SOX6: variants seen among roughly 807,000 people sequenced by gnomAD.
The protein encoded by SOX6 is transcription factor SOX-6.
In SOX6, 11 loss-of-function variants were observed where a neutral mutation model predicts 97.8. The ratio of observed to expected loss-of-function variants is 0.11; its 90% CI spans 0.07 to 0.19. The LOEUF is 0.19. Ranked by LOEUF, SOX6 falls within the 10% of genes least tolerant of loss-of-function variation. The pLI is 1.00. For synonymous variants in SOX6, 360 were observed against 371.4 expected (o/e 0.97, Z 0.35); for missense variants, 810 against 1,039.5 (o/e 0.78, Z 3.04).
At chr11:15,998,915 G>A (rs1040916250) in intron 13 of SOX6, among the ~76,000 whole-genome samples, 5 of 151,982 alleles carry the variant, frequency 3.3e-5, no homozygotes, top group African/African-American at 9.7e-5. Flanking sequence ...CAAGAAAAAT[G>A]TTAAACTGAA....
chr11:16,303,097 ATATG>A (rs1437843696), intron 3 of SOX6, among the ~76,000 whole-genome samples: 1 of 152,244 alleles, frequency 6.6e-6, no homozygotes, highest in African/African-American at 2.4e-5. Context: ...ATTAATAAGC[ATATG>A]TATGTGTGTA....
At chr11:16,179,153 A>G (rs1331871358) in intron 6 of SOX6, among the ~76,000 whole-genome samples, 2 of 151,948 alleles carry the variant, frequency 1.3e-5, no homozygotes, top group East Asian at 3.9e-4. Context: ...GTAGTTAATC[A>G]TATTGAAGGA....
chr11:16,032,505 G>A (rs1855405006), intron 12 of SOX6, among the ~76,000 whole-genome samples: 1 of 152,120 alleles, frequency 6.6e-6, no homozygotes, highest in Non-Finnish European at 1.5e-5. Context: ...AAGAGTGGGA[G>A]CAACTTATTA....
chr11:16,558,356 A>G (rs1847772013), intron 4 of SOX6, among the ~76,000 whole-genome samples: 1 of 152,026 alleles, frequency 6.6e-6, no homozygotes, highest in African/African-American at 2.4e-5. Flanking sequence ...TATTCTCCAG[A>G]AAGACATTCT....
intron 6 of SOX6, among the ~76,000 whole-genome samples, chr11:16,114,989 A>G (rs2133998908): frequency 6.6e-6 from 1 of 152,320 alleles, no homozygotes; most frequent in South Asian, 2.1e-4. Context: ...AATGCCAAAG[A>G]GCTGTAGGTG....
chr11:16,132,374 GA>G lies in SOX6; in HGVS notation c.778-20452del, dbSNP rs1349012250. Among the ~76,000 whole-genome samples the G allele has an allele frequency of 7.8e-4, 66 of 84,832 alleles. 2 individuals carry two copies. Among genetic ancestry groups the G allele is most frequent in the African/African-American group, 3.4e-3 (64 of 18,978 alleles). The allele number at this position is 84,832 out of a possible 152,430, so 55.7% of individuals were successfully genotyped here. On this transcript the variant is annotated intron_variant, in intron 6 of 15. Transcript: ENST00000683767. ...AGAAAGAAAGAAAGAAAGAAAGAAA[GA>G]AAGAAAGAAAGAAAGAAAGAAAGAA...
At chr11:16,436,771 G>A (rs942290182) in intron 1 of SOX6, among the ~76,000 whole-genome samples, 10 of 152,038 alleles carry the variant, frequency 6.6e-5, no homozygotes, top group East Asian at 1.9e-4. Flanking sequence ...AGAATTTTTC[G>A]GTAAATGACA....
At chr11:16,692,305 C>T (rs1024331640) in intron 3 of SOX6, among the ~76,000 whole-genome samples, 1 of 152,136 alleles carries the variant, frequency 6.6e-6, no homozygotes, top group African/African-American at 2.4e-5. Flanking sequence ...CCACCTCGGC[C>T]TTCCAAAGTG....
At chr11:16,541,163 C>T (rs1861401944) in intron 4 of SOX6, among the ~76,000 whole-genome samples, 4 of 152,102 alleles carry the variant, frequency 2.6e-5, no homozygotes, top group African/African-American at 7.2e-5. Context: ...ACAGGAATAA[C>T]ACCACACATC....
chr11:16,362,599 G>A (rs1158288323), intron 1 of SOX6, among the ~76,000 whole-genome samples: 1 of 152,078 alleles, frequency 6.6e-6, no homozygotes, highest in Non-Finnish European at 1.5e-5. Context: ...CTATACAGAA[G>A]CATTGCATGG....
chr11:16,151,047 G>A (rs1850445347), intron 6 of SOX6, among the ~76,000 whole-genome samples: 1 of 152,108 alleles, frequency 6.6e-6, no homozygotes, highest in Non-Finnish European at 1.5e-5. Flanking sequence ...ACCAAAGGCA[G>A]CCAATTAATA....
At chr11:16,321,255 T>C (rs1323444340) in intron 2 of SOX6, among the ~76,000 whole-genome samples, 1 of 148,218 alleles carries the variant, frequency 6.7e-6, no homozygotes, top group Non-Finnish European at 1.5e-5. Flanking sequence ...TATTGTCACA[T>C]TATGGCCAAA....
At chr11:16,555,999 AC>A (rs1233639039) in intron 4 of SOX6, among the ~76,000 whole-genome samples, 1 of 151,660 alleles carries the variant, frequency 6.6e-6, no homozygotes, top group African/African-American at 2.4e-5. Flanking sequence ...TAAAAGGAAA[AC>A]AAAAGTCTGT....
chr11:16,732,418 T>C (rs1204839845), intron 2 of SOX6, among the ~76,000 whole-genome samples: 1 of 152,130 alleles, frequency 6.6e-6, no homozygotes, highest in Non-Finnish European at 1.5e-5. Context: ...AACAGAGGCT[T>C]CTGAAATAAT....
intron 6 of SOX6, among the ~76,000 whole-genome samples, chr11:16,154,668 T>C (rs954584991): frequency 3.3e-5 from 5 of 152,018 alleles, no homozygotes; most frequent in African/African-American, 1.2e-4. Flanking sequence ...CAAAAAAAAA[T>C]GCAACTTTTT....
intron 3 of SOX6, among the ~76,000 whole-genome samples, chr11:16,237,763 TTAAC>T (rs891548963): frequency 2.0e-5 from 3 of 152,034 alleles, no homozygotes; most frequent in Non-Finnish European, 4.4e-5. Flanking sequence ...TTGAAAACAA[TTAAC>T]TAATTAGTTA....
At chr11:16,099,895 G>A (rs1848899001) in intron 7 of SOX6, among the ~76,000 whole-genome samples, 1 of 151,482 alleles carries the variant, frequency 6.6e-6, no homozygotes, top group Admixed American at 6.6e-5. Flanking sequence ...ATAATCTTTA[G>A]AAAGCTATTT....
chr11:16,733,932 C>G (rs1389515137), intron 2 of SOX6, among the ~76,000 whole-genome samples: 7 of 148,520 alleles, frequency 4.7e-5, no homozygotes, highest in Middle Eastern at 3.2e-3. Context: ...GAGGCTGAGG[C>G]AGGAGAATGG....
At chr11:16,477,388 C>T (rs1178328800), upstream of SOX6, among the ~76,000 whole-genome samples, 4 of 152,138 alleles carry the variant, frequency 2.6e-5, no homozygotes, top group African/African-American at 9.7e-5. Context: ...TTGTAGGAAC[C>T]ACTGCACCCA....
Sources: gnomAD v4.1 joint callset for allele counts (sites outside exome capture counted in the v4.1 genomes callset) on GRCh38, gnomAD v4.1.1 for gene constraint, MANE v1.5 for transcripts, NCBI Gene and HGNC (gene_info 2026-07-23, HGNC 2026-07-21) for gene names.